Variants in PRKAG2 observed in about 807,000 individuals in gnomAD.
The protein encoded by PRKAG2 is 5'-AMP-activated protein kinase subunit gamma-2.
A neutral mutation model predicts 69.6 loss-of-function variants in PRKAG2; 26 were observed. The observed-to-expected ratio is 0.37, with a 90% CI of 0.27 to 0.52. The LOEUF is 0.52. PRKAG2 is among the 20% of genes least tolerant of loss of function. The probability of loss-of-function intolerance (pLI) is 0.90; values close to 1 mark genes in which losing one functional copy is unlikely to be tolerated. For synonymous variants in PRKAG2, 293 were observed against 285.0 expected (o/e 1.03, Z -0.28); for missense variants, 557 against 740.0 (o/e 0.75, Z 2.87).
At chr7:151,808,741 A>G (rs2078254018) in intron 1 of PRKAG2, among the ~76,000 whole-genome samples, 1 of 151,838 alleles carries the variant, frequency 6.6e-6, no homozygotes, top group Non-Finnish European at 1.5e-5. Flanking sequence ...CCTCCCTCCC[A>G]AGTCTCTCCT....
At chr7:151,764,697 G>A (rs1431514274) in intron 3 of PRKAG2, among the ~76,000 whole-genome samples, 2 of 152,232 alleles carry the variant, frequency 1.3e-5, no homozygotes, top group African/African-American at 4.8e-5. Flanking sequence ...ACCCAACCAT[G>A]CTCCCAGGAG....
intron 3 of PRKAG2, among the ~76,000 whole-genome samples, chr7:151,737,462 C>A (rs778270428): frequency 6.6e-6 from 1 of 152,150 alleles, no homozygotes; most frequent in African/African-American, 2.4e-5. Context: ...AGTTAAATAA[C>A]CCCCGAGCTA....
At chr7:151,618,766 AAAAAT>A (rs1201120112) in intron 5 of PRKAG2, among the ~76,000 whole-genome samples, 3 of 152,354 alleles carry the variant, frequency 2.0e-5, no homozygotes, top group Admixed American at 6.5e-5. Context: ...TTCCGTCTCA[AAAAAT>A]AAAATAAAAT....
intron 1 of PRKAG2, among the ~76,000 whole-genome samples, chr7:151,865,345 C>T (rs916000723): frequency 1.3e-5 from 2 of 152,270 alleles, no homozygotes; most frequent in South Asian, 2.1e-4. Flanking sequence ...CCCCAGAGAT[C>T]GGCCAAGCCA....
At chr7:151,575,906 A>AG (rs1808797799) in intron 7 of PRKAG2, among the ~76,000 whole-genome samples, 1 of 151,308 alleles carries the variant, frequency 6.6e-6, no homozygotes, top group Non-Finnish European at 1.5e-5. Context: ...CAAAAAAAAA[A>AG]AAAAAAAGAA....
At chr7:151,736,161 G>A (rs747100789) in intron 3 of PRKAG2, 26 of 1,444,110 alleles carry the variant, frequency 1.8e-5, no homozygotes, top group Admixed American at 5.2e-5. Flanking sequence ...GGGTTCAAGC[G>A]TCCTCACCAG....
chr7:151,857,398 C>CG (rs2079811279), intron 1 of PRKAG2, among the ~76,000 whole-genome samples: 1 of 46,446 alleles, frequency 2.2e-5, no homozygotes, highest in African/African-American at 5.6e-5. Context: ...ACTGGAAGTA[C>CG]CAAAAAAAAA....
intron 6 of PRKAG2, 149 bp downstream of exon 6, chr7:151,595,196 G>T: frequency 1.6e-6 from 1 of 642,536 alleles, no homozygotes; most frequent in Non-Finnish European, 2.8e-6. Context: ...TTGCCAAGAT[G>T]TTGAGAATTC....
intron 6 of PRKAG2, among the ~76,000 whole-genome samples, chr7:151,582,162 G>A (rs969727856): frequency 6.6e-6 from 1 of 152,070 alleles, no homozygotes; most frequent in African/African-American, 2.4e-5. Context: ...ATGTATGTAC[G>A]TATGAATGAC....
At chr7:151,797,572 T>G (rs2077617483) in intron 1 of PRKAG2, among the ~76,000 whole-genome samples, 1 of 152,192 alleles carries the variant, frequency 6.6e-6, no homozygotes, top group African/African-American at 2.4e-5. Context: ...TGTCCATATT[T>G]ACAGAGCCAT....
chr7:151,580,036 AC>A (rs1183908478), intron 6 of PRKAG2, among the ~76,000 whole-genome samples: 13 of 152,210 alleles, frequency 8.5e-5, no homozygotes, highest in Admixed American at 7.9e-4. Context: ...TCACCAACCA[AC>A]CAGCATTAAG....
intron 3 of PRKAG2, among the ~76,000 whole-genome samples, chr7:151,706,263 C>T (rs1838584909): frequency 6.6e-6 from 1 of 152,184 alleles, no homozygotes; most frequent in South Asian, 2.1e-4. Flanking sequence ...GCCTCTTTGC[C>T]CTGTAGCACC....
intron 3 of PRKAG2, among the ~76,000 whole-genome samples, chr7:151,687,920 C>T (rs75164001): frequency 0.05 from 7,662 of 152,220 alleles, 480 homozygotes; most frequent in African/African-American, 0.15. Context: ...CCCTCCTCCC[C>T]AACGGGGCTC....
chr7:151,595,028 C>A (rs971531762), intron 6 of PRKAG2, among the ~76,000 whole-genome samples: 2 of 152,180 alleles, frequency 1.3e-5, no homozygotes, highest in Non-Finnish European at 2.9e-5. Flanking sequence ...CAACTCCCAA[C>A]CTCAGGTAAT....
intron 4 of PRKAG2, among the ~76,000 whole-genome samples, chr7:151,646,367 T>C (rs941825348): frequency 2.0e-5 from 3 of 152,236 alleles, no homozygotes; most frequent in African/African-American, 7.2e-5. Context: ...CAATCTTTTG[T>C]AGTTTTCACC....
chr7:151,876,613 C>A lies in PRKAG2; in HGVS notation c.8G>T (p.Ser3Ile), dbSNP rs776891994. Residue 3 changes from serine to isoleucine, a missense_variant, in exon 1 of 16, where the codon AGC becomes ATC. Ser to Ile is a moderately radical substitution (Grantham distance 142). This residue lies in a region of PRKAG2 where 352 missense variants were observed against 356.7 expected (regional missense o/e 0.99). Coordinates refer to ENST00000287878, the MANE Select transcript of PRKAG2 (RefSeq NM_016203.4). ...TTTCTTCTTGGTGTCCATAACCGCG[C>A]TTCCCATAACTCTAACCAGAAGTTG... Reference protein sequence around the residue: MGSAVMDTKKKKD... With the variant: MGIAVMDTKKKKD... 1 of 1,608,940 alleles carries A rather than the reference C, an allele frequency of 6.2e-7. No homozygotes were observed. Among genetic ancestry groups the A allele is most frequent in the South Asian group, 1.1e-5 (1 of 91,084 alleles).
At chr7:151,732,688 G>T (rs564436928) in intron 3 of PRKAG2, among the ~76,000 whole-genome samples, 2 of 152,176 alleles carry the variant, frequency 1.3e-5, no homozygotes, top group Non-Finnish European at 2.9e-5. Context: ...CACAGAAAAG[G>T]CACCCAGAGT....
intron 5 of PRKAG2, among the ~76,000 whole-genome samples, chr7:151,596,576 C>T (rs1814580166): frequency 6.6e-6 from 1 of 151,976 alleles, no homozygotes. Context: ...TGGAGAAACC[C>T]CGTCTCTACT....
chr7:151,782,296 GA>G (rs2076717174), intron 2 of PRKAG2, among the ~76,000 whole-genome samples: 1 of 39,410 alleles, frequency 2.5e-5, no homozygotes, highest in Non-Finnish European at 6.1e-5. Context: ...AGAAAGGAAA[GA>G]AAGGAAGGAA....
Sources: allele counts gnomAD v4.1 joint callset (sites outside exome capture counted in the v4.1 genomes callset), GRCh38; gene constraint gnomAD v4.1.1; regional missense constraint gnomAD v4.1.1; transcripts MANE v1.5; gene names NCBI Gene and HGNC (gene_info 2026-07-23, HGNC 2026-07-21).